The following TMPRSS4 variants were observed in gnomAD, a reference collection of about 807,000 sequenced individuals.
TMPRSS4 encodes the protein transmembrane protease serine 4.
In TMPRSS4, 45 loss-of-function variants were observed where a neutral mutation model predicts 56.4. The ratio of observed to expected loss-of-function variants is 0.80; its 90% CI spans 0.63 to 1.02. The LOEUF is 1.02. TMPRSS4 is among the 50% of genes least tolerant of loss of function. The probability of loss-of-function intolerance (pLI) is 0.00; values close to 1 mark genes in which losing one functional copy is unlikely to be tolerated. For synonymous variants in TMPRSS4, 205 were observed against 211.0 expected (o/e 0.97, Z 0.25); for missense variants, 546 against 556.7 (o/e 0.98, Z 0.19).
intron 3 of TMPRSS4, among the ~76,000 whole-genome samples, chr11:118,100,077 C>T (rs550394072): frequency 6.6e-6 from 1 of 152,266 alleles, no homozygotes; most frequent in African/African-American, 2.4e-5. Flanking sequence ...ACACCCGAGA[C>T]AGGGATTCTG....
intron 3 of TMPRSS4, chr11:118,102,811 G>A: frequency 2.7e-6 from 1 of 372,288 alleles, no homozygotes; most frequent in South Asian, 3.9e-5. Flanking sequence ...TACATACTGA[G>A]CGAGCACTGG....
chr11:118,088,507 C>T (rs374061748), intron 1 of TMPRSS4, among the ~76,000 whole-genome samples: 9 of 152,358 alleles, frequency 5.9e-5, no homozygotes, highest in Admixed American at 4.6e-4. Flanking sequence ...CCACCTCACC[C>T]GCTACCTGGG....
chr11:118,083,438 TC>T (rs1484465321), intron 1 of TMPRSS4, among the ~76,000 whole-genome samples: 1 of 151,892 alleles, frequency 6.6e-6, no homozygotes, highest in Non-Finnish European at 1.5e-5. Context: ...GTCCACAGAG[TC>T]CCCTGCTGAA....
rs544286956 is a variant in TMPRSS4 at position 118,090,827 on chromosome 11, C to G, written c.4-3989C>G. Among the ~76,000 whole-genome samples, 1,422 of 151,648 alleles carry G rather than the reference C, an allele frequency of 9.4e-3. 27 individuals carry two copies. The highest frequency in any genetic ancestry group is 0.033 in the African/African-American group (1,370 of 41,284). On this transcript the variant is annotated intron_variant, in intron 1 of 12. Coordinates refer to ENST00000437212, the MANE Select transcript of TMPRSS4 (RefSeq NM_019894.4). ...TGTCACACACACACACACAAACACA[C>G]ACACACACACACACACACACAAAAT...
At position 118,103,263 on chromosome 11, in the gene TMPRSS4, G is replaced by A. The variant is rs1946812748; in HGVS notation, c.310+10G>A. The A allele has an allele frequency of 1.9e-6, 3 of 1,611,342 alleles. No homozygotes were observed. Among genetic ancestry groups the A allele is most frequent in the Non-Finnish European group, 2.5e-6 (3 of 1,178,848 alleles). ...GGGCCTGCAGTGGCAGGTGAGTGCA[G>A]GGTCTGAGGCACAAGAGAAGTGGGC... is the stretch of plus-strand genomic sequence containing the variant. On this transcript the variant is annotated intron_variant, in intron 4 of 12. Transcript: ENST00000437212.
At chr11:118,081,274 G>T (rs540615518) in intron 1 of TMPRSS4, among the ~76,000 whole-genome samples, 73 of 152,336 alleles carry the variant, frequency 4.8e-4, no homozygotes, top group African/African-American at 1.6e-3. Flanking sequence ...CCCAGAGGGG[G>T]ATGGGCATGA....
intron 1 of TMPRSS4, among the ~76,000 whole-genome samples, chr11:118,090,501 G>T (rs1207994362): frequency 1.3e-5 from 2 of 151,810 alleles, no homozygotes; most frequent in African/African-American, 2.4e-5. Context: ...TAAGAGCCAG[G>T]CATTGTGGCT....
intron 1 of TMPRSS4, chr11:118,088,187 C>A (rs1395906305): frequency 6.6e-6 from 1 of 152,208 alleles, no homozygotes; most frequent in East Asian, 1.9e-4. Flanking sequence ...GTCCAGAAAC[C>A]CGGCCCAAAG....
At chr11:118,097,041 A>AGAAAG (rs67321345) in intron 2 of TMPRSS4, among the ~76,000 whole-genome samples, 1,826 of 77,844 alleles carry the variant, frequency 0.023, 188 homozygotes, top group African/African-American at 0.091. Context: ...AGAAAAGGAA[A>AGAAAG]GAAAGGAAAG....
chr11:118,109,045 G>A (rs1222159052), intron 7 of TMPRSS4, 149 bp downstream of exon 7: 6 of 786,698 alleles, frequency 7.6e-6, no homozygotes, highest in Admixed American at 2.8e-5. Context: ...ATGCCCCCTC[G>A]AGTTGTTGGT....
At chr11:118,100,999 G>A (rs1430841577) in intron 3 of TMPRSS4, among the ~76,000 whole-genome samples, 1 of 152,108 alleles carries the variant, frequency 6.6e-6, no homozygotes, top group African/African-American at 2.4e-5. Context: ...GAGTGACTCT[G>A]CCTTACCCTG....
In TMPRSS4 at chr11:118,094,866, G is replaced by A. The variant is rs753970094; in HGVS notation, c.43+11G>A. 1 of 1,611,802 alleles carries A rather than the reference G, an allele frequency of 6.2e-7. No individual in the cohort carries two copies. On this transcript the variant is annotated intron_variant, in intron 2 of 12. Transcript: ENST00000437212. ...CTCTGAACAGCCTCGGTAAGTTCAG[G>A]TCCGGCTTTCATTCGTCCACCTTAG... is the stretch of plus-strand genomic sequence containing the variant.
chr11:118,084,368 G>C lies in TMPRSS4; in HGVS notation c.3+7063G>C, dbSNP rs546963361. Among the ~76,000 whole-genome samples, 163 of 152,340 alleles carry C rather than the reference G, an allele frequency of 1.1e-3. 1 individual carries two copies. The South Asian group carries it at 0.031, about 29-fold the overall frequency. On this transcript the variant is annotated intron_variant, in intron 1 of 12. Coordinates refer to ENST00000437212, the MANE Select transcript of TMPRSS4 (RefSeq NM_019894.4). ...CTCGACGAGTTATGTGAGTGGGCAG[G>C]AAAGCAGTAAAGGAACTTCAGGTTA...
In TMPRSS4 at chr11:118,113,355, T is replaced by C; in HGVS notation, c.830T>C (p.Ile277Thr). ...CCATCCCTGGCTGTGGCCAAGATCA[T>C]CATCATTGAATTCAACCCCATGTAC... ...SFPSLAVAKI[I>T]IIEFNPMYPK... is the part of the protein sequence containing the mutation. The change falls in exon 9 of 13, where the codon ATC becomes ACC. Residue 277 changes from isoleucine (I) to threonine (T), a missense_variant. Coordinates refer to ENST00000437212, the MANE Select transcript of TMPRSS4 (RefSeq NM_019894.4). 5 of 1,614,108 alleles carry C rather than the reference T, an allele frequency of 3.1e-6. No individual in the cohort carries two copies. Among genetic ancestry groups the C allele is most frequent in the Non-Finnish European group, 4.2e-6 (5 of 1,180,008 alleles).
chr11:118,091,373 C>T (rs1459943812), intron 1 of TMPRSS4, among the ~76,000 whole-genome samples: 1 of 152,160 alleles, frequency 6.6e-6, no homozygotes, highest in East Asian at 1.9e-4. Flanking sequence ...CCTCCGTAAC[C>T]ATCCTGAGCC....
chr11:118,106,488 C>CTT (rs113285420), intron 5 of TMPRSS4: 76 of 139,540 alleles, frequency 5.4e-4, no homozygotes, highest in East Asian at 4.7e-3. Flanking sequence ...GTCCACGCAT[C>CTT]TTTTTTTTTT....
chr11:118,116,484 T>C (rs1368045700), intron 11 of TMPRSS4, among the ~76,000 whole-genome samples: 1 of 152,212 alleles, frequency 6.6e-6, no homozygotes, highest in Non-Finnish European at 1.5e-5. Flanking sequence ...AAACAGCTGA[T>C]AAGGACTCCC....
chr11:118,095,551 A>G (rs1347137607), intron 2 of TMPRSS4, among the ~76,000 whole-genome samples: 1 of 152,194 alleles, frequency 6.6e-6, no homozygotes, highest in Non-Finnish European at 1.5e-5. Flanking sequence ...CCTAGTTTAT[A>G]CTTTGGAATT....
At chr11:118,112,562 T>A (rs1416700800) in intron 8 of TMPRSS4, among the ~76,000 whole-genome samples, 1 of 151,838 alleles carries the variant, frequency 6.6e-6, no homozygotes, top group Non-Finnish European at 1.5e-5. Context: ...CCGGCTAATT[T>A]TTGTATTTTT....
Sources: gnomAD v4.1 joint callset for allele counts (sites outside exome capture counted in the v4.1 genomes callset) on GRCh38, gnomAD v4.1.1 for gene constraint, MANE v1.5 for transcripts, NCBI Gene and HGNC (gene_info 2026-07-23, HGNC 2026-07-21) for gene names.